Variants in CDK17 observed in about 807,000 individuals in gnomAD.
CDK17 encodes the protein cyclin dependent kinase 17.
Under a neutral mutation model 77.6 loss-of-function variants are expected in CDK17, and 24 were observed. The ratio of observed to expected loss-of-function variants is 0.31; its 90% CI spans 0.22 to 0.44. The LOEUF (loss-of-function observed/expected upper bound fraction) is 0.44. Among genes scored for constraint, CDK17 ranks in the 20% least tolerant of loss-of-function variants. CDK17 has a pLI of 1.00. For missense variants in CDK17, 429 were observed against 622.5 expected, an observed-to-expected ratio of 0.69 and a Z score of 3.31; for synonymous variants, 203 against 210.4, an observed-to-expected ratio of 0.96 and a Z score of 0.30.
chr12:96,355,993 C>T (rs564869337), intron 1 of CDK17, among the ~76,000 whole-genome samples: 96 of 152,240 alleles, frequency 6.3e-4, no homozygotes, highest in African/African-American at 2.3e-3. Flanking sequence ...AGGTTTTCTC[C>T]TATATATTAA....
chr12:96,352,364 C>T (rs1483982500), intron 1 of CDK17, among the ~76,000 whole-genome samples: 2 of 151,364 alleles, frequency 1.3e-5, no homozygotes, highest in East Asian at 1.9e-4. Context: ...AGGTAAGGAC[C>T]GAAGCCAGAA....
intron 1 of CDK17, among the ~76,000 whole-genome samples, chr12:96,358,964 G>A (rs1953452295): frequency 6.8e-6 from 1 of 146,626 alleles, no homozygotes; most frequent in African/African-American, 2.5e-5. Context: ...TTCCAAAACT[G>A]ACTGGTCAGA....
intron 13 of CDK17, chr12:96,284,438 G>A (rs1952219916): frequency 6.9e-6 from 1 of 145,690 alleles, no homozygotes; most frequent in Non-Finnish European, 1.5e-5. Flanking sequence ...TCTGGCCTGG[G>A]CGGAAGAGCG....
chr12:96,319,402 C>T lies in CDK17; in HGVS notation c.283+4546G>A, dbSNP rs1220825344. ...GGAACTGGTACCATTCCTTCTGAAA[C>T]TATTCCAATCAATAGAAAAAGAGGG... On this transcript the variant is annotated intron_variant, in intron 3 of 16. Transcript: ENST00000261211. 5.2e-5 allele frequency among the ~76,000 whole-genome samples: 5 copies of T among 95,470 alleles called. No individual in the cohort carries two copies. The South Asian group carries it at 2.4e-3, about 45-fold the overall frequency. The allele number at this position is 95,470 out of a possible 152,430, so 62.6% of individuals were successfully genotyped here. A position where few individuals can be genotyped will look rare whatever the true frequency, so the allele number is the denominator to read the frequency against.
intron 2 of CDK17, among the ~76,000 whole-genome samples, chr12:96,332,202 T>C (rs1430435232): frequency 1.3e-5 from 2 of 152,210 alleles, no homozygotes; most frequent in East Asian, 1.9e-4. Flanking sequence ...GCTAGGTGTG[T>C]AGTAAGCTAT....
chr12:96,312,713 A>G (rs916472410), intron 4 of CDK17, among the ~76,000 whole-genome samples: 1 of 152,228 alleles, frequency 6.6e-6, no homozygotes, highest in Non-Finnish European at 1.5e-5. Flanking sequence ...TACTGAAATA[A>G]CAGTCACGAT....
chr12:96,347,612 G>A (rs1411386726), intron 1 of CDK17, among the ~76,000 whole-genome samples: 1 of 33,058 alleles, frequency 3.0e-5, no homozygotes, highest in Non-Finnish European at 7.3e-5. Flanking sequence ...GGAAGGGAGG[G>A]GAAGGGAGGG....
At chr12:96,355,326 G>A (rs966341287) in intron 1 of CDK17, among the ~76,000 whole-genome samples, 2 of 149,936 alleles carry the variant, frequency 1.3e-5, no homozygotes, top group Non-Finnish European at 3.0e-5. Flanking sequence ...AACTCTACAC[G>A]CAGCTAACAC....
chr12:96,368,988 C>G (rs1426391154), intron 1 of CDK17, among the ~76,000 whole-genome samples: 3 of 151,990 alleles, frequency 2.0e-5, no homozygotes, highest in Non-Finnish European at 4.4e-5. Flanking sequence ...ACTACAAAAT[C>G]CATGTTAAAG....
chr12:96,348,354 A>G (rs1350033295), intron 1 of CDK17, among the ~76,000 whole-genome samples: 3 of 151,824 alleles, frequency 2.0e-5, no homozygotes, highest in Non-Finnish European at 2.9e-5. Flanking sequence ...GTGAAACCCC[A>G]TCTCTACTAA....
intron 2 of CDK17, among the ~76,000 whole-genome samples, chr12:96,330,203 T>C (rs1269067899): frequency 2.0e-5 from 3 of 152,078 alleles, no homozygotes; most frequent in African/African-American, 7.2e-5. Context: ...TTCAAGGCTA[T>C]GTAAACACAA....
intron 1 of CDK17, among the ~76,000 whole-genome samples, chr12:96,376,214 C>T (rs1953780281): frequency 6.6e-6 from 1 of 152,206 alleles, no homozygotes; most frequent in East Asian, 1.9e-4. Flanking sequence ...AAACCAACAT[C>T]AGACTATTCA....
chr12:96,335,920 C>T (rs947723755), intron 1 of CDK17, among the ~76,000 whole-genome samples: 4 of 152,080 alleles, frequency 2.6e-5, no homozygotes, highest in African/African-American at 7.2e-5. Context: ...GAGTAAGGGC[C>T]GTACAACTCC....
At position 96,279,654 on chromosome 12, in the gene CDK17, T is replaced by C. The variant is rs1952147935; in HGVS notation, c.*588A>G. 1 of 152,524 alleles carries C rather than the reference T, an allele frequency of 6.6e-6. No individual in the cohort carries two copies. Among genetic ancestry groups the C allele is most frequent in the Non-Finnish European group, 1.5e-5 (1 of 68,040 alleles). The allele number at this position is 152,524 out of a possible 1,614,324, so 9.4% of individuals were successfully genotyped here. A position where few individuals can be genotyped will look rare whatever the true frequency, so the allele number is the denominator to read the frequency against. ...ACATGCTTATCTAAACGTAATGTGCTTGTCAATCTCTTAGCTACTCTATTT... is the reference window on the plus strand; with the variant it reads ...ACATGCTTATCTAAACGTAATGTGCCTGTCAATCTCTTAGCTACTCTATTT... On this transcript the variant is annotated 3_prime_UTR_variant, in exon 17 of 17. Coordinates refer to ENST00000261211, the MANE Select transcript of CDK17 (RefSeq NM_002595.5).
chr12:96,281,366 C>T (rs1284001803), intron 15 of CDK17, among the ~76,000 whole-genome samples: 1 of 152,150 alleles, frequency 6.6e-6, no homozygotes, highest in Non-Finnish European at 1.5e-5. Context: ...AATAATGAAA[C>T]ACAAATACCT....
At chr12:96,324,303 A>G (rs1359778385) in intron 2 of CDK17, among the ~76,000 whole-genome samples, 191 bp from the exon 3 acceptor site, 1 of 152,260 alleles carries the variant, frequency 6.6e-6, no homozygotes, top group Non-Finnish European at 1.5e-5. Flanking sequence ...AAATACTTGA[A>G]TATTTTAAGT....
intron 5 of CDK17, among the ~76,000 whole-genome samples, chr12:96,307,530 C>T (rs749989592): frequency 6.6e-6 from 1 of 152,072 alleles, no homozygotes; most frequent in Non-Finnish European, 1.5e-5. Context: ...AAACTGATAG[C>T]CGAAGAAAAC....
intron 1 of CDK17, among the ~76,000 whole-genome samples, chr12:96,369,789 A>G (rs1018295503): frequency 2.5e-4 from 38 of 152,198 alleles, no homozygotes; most frequent in African/African-American, 9.2e-4. Flanking sequence ...ATAAATAAAT[A>G]AATAAAATAG....
intron 1 of CDK17, among the ~76,000 whole-genome samples, chr12:96,348,350 C>A (rs933674136): frequency 7.3e-5 from 11 of 151,602 alleles, no homozygotes; most frequent in African/African-American, 2.4e-4. Flanking sequence ...CATGGTGAAA[C>A]CCCATCTCTA....
Sources: allele counts gnomAD v4.1 joint callset (sites outside exome capture counted in the v4.1 genomes callset), GRCh38; gene constraint gnomAD v4.1.1; transcripts MANE v1.5; gene names NCBI Gene and HGNC (gene_info 2026-07-23, HGNC 2026-07-21).